Variants in ZMYND12 observed in about 807,000 individuals in gnomAD.
ZMYND12 encodes zinc finger MYND-type containing 12.
A neutral mutation model predicts 41.7 loss-of-function variants in ZMYND12; 32 were observed. The observed-to-expected ratio is 0.77, with a 90% CI of 0.58 to 1.03. The LOEUF (loss-of-function observed/expected upper bound fraction) is 1.03, where lower values mean the gene tolerates loss of function less well. Ranked by LOEUF, ZMYND12 falls within the 50% of genes least tolerant of loss-of-function variation. The pLI is 0.00. For missense variants in ZMYND12, 424 were observed against 438.5 expected (o/e 0.97, Z 0.30); for synonymous variants, 148 against 164.8 (o/e 0.90, Z 0.78).
chr1:42,439,002 T>C (rs1642936130), intron 4 of ZMYND12, among the ~76,000 whole-genome samples: 1 of 152,254 alleles, frequency 6.6e-6, no homozygotes, highest in African/African-American at 2.4e-5. Flanking sequence ...CAGAGTTTTA[T>C]CATCGATAAG....
chr1:42,448,462 C>T lies in ZMYND12; in HGVS notation c.424+5G>A, dbSNP rs370557729. On this transcript the variant is annotated splice_donor_5th_base_variant and intron_variant, in intron 3 of 7. Coordinates refer to ENST00000372565, the MANE Select transcript of ZMYND12 (RefSeq NM_032257.5). ...ATCCAAGGATCTCAAGTCGGTTTCACTCACCAAGGCTGGCCTCGGCCAACA... is the reference window on the plus strand; with the variant it reads ...ATCCAAGGATCTCAAGTCGGTTTCATTCACCAAGGCTGGCCTCGGCCAACA... 1.1e-5 allele frequency: 17 copies of T among 1,577,484 alleles called. No homozygotes were observed. The highest frequency in any genetic ancestry group is 1.2e-5 in the Non-Finnish European group (14 of 1,160,842).
At chr1:42,450,146 A>G in intron 1 of ZMYND12, 87 bp from the exon 2 acceptor site, 10 of 1,492,338 alleles carry the variant, frequency 6.7e-6, no homozygotes, top group Non-Finnish European at 9.1e-6. Flanking sequence ...ATCCCTAGAC[A>G]CCAGAAAAGT....
At position 42,455,786 on chromosome 1, in the gene ZMYND12, C is replaced by T. The variant is rs556394776; in HGVS notation, c.110+102G>A. 2.1e-5 allele frequency: 18 copies of T among 855,714 alleles called. No individual in the cohort carries two copies. In the South Asian group the frequency reaches 3.1e-4, roughly 15 times the overall value. 53.0% of individuals were successfully genotyped at this position (855,714 alleles called of 1,614,324 possible). On this transcript the variant is annotated intron_variant, in intron 1 of 7. Transcript: ENST00000372565. ...TAAAGCCGTTTTGAGGTGTCCCTTG[C>T]AGAGTCAGGGGCAACGGCTAACGCA...
intron 1 of ZMYND12, among the ~76,000 whole-genome samples, chr1:42,452,742 A>T (rs1359687857): frequency 6.6e-6 from 1 of 152,134 alleles, no homozygotes; most frequent in East Asian, 1.9e-4. Flanking sequence ...CTGTGTCTCT[A>T]AAGTAAATAA....
At chr1:42,451,356 G>C (rs1046719144) in intron 1 of ZMYND12, among the ~76,000 whole-genome samples, 1 of 152,162 alleles carries the variant, frequency 6.6e-6, no homozygotes, top group African/African-American at 2.4e-5. Flanking sequence ...GTTGTTAGAT[G>C]CATAGTCATG....
chr1:42,441,557 C>G (rs1023134533), intron 3 of ZMYND12, among the ~76,000 whole-genome samples: 1 of 152,052 alleles, frequency 6.6e-6, no homozygotes, highest in African/African-American at 2.4e-5. Context: ...TCATTTTTGT[C>G]TTTTTTGTTT....
rs371385572 is a variant in ZMYND12, at chr1:42,449,983, A to G, written c.187T>C (p.Ser63Pro). The G allele has an allele frequency of 5.6e-6, 9 of 1,613,932 alleles. No individual in the cohort carries two copies. Among genetic ancestry groups the G allele is most frequent in the Non-Finnish European group, 8.5e-7 (1 of 1,180,034 alleles). The stretch of plus-strand genomic sequence containing the variant: ...TCCTCTGAATTGTAGAAGGGCATGG[A>G]AGTGCGCAGTGGAATCAAGAGCTGA... Reference protein sequence around the residue: ...ICQLLIPLRTSMPFYNSEEER... With the variant: ...ICQLLIPLRTPMPFYNSEEER... Residue 63 changes from serine (S) to proline (P), a missense_variant, in exon 2 of 8, where the codon TCC becomes CCC. Transcript: ENST00000372565.
Position 42,433,293 on chromosome 1 carries a change from A to G in ZMYND12, c.830-5T>C, listed in dbSNP as rs1186636669. 1 of 1,599,042 alleles carries G rather than the reference A, an allele frequency of 6.3e-7. No individual in the cohort carries two copies. The highest frequency in any genetic ancestry group is 1.4e-5 in the African/African-American group (1 of 73,636). On this transcript the variant is annotated splice_polypyrimidine_tract_variant and splice_region_variant and intron_variant, in intron 6 of 7. Transcript: ENST00000372565. ...CTTCTGCTTCTTGGGCTTCATCTGCATTGGAAGGGGAAGAAAGAAAAAACA... is the reference window on the plus strand; with the variant it reads ...CTTCTGCTTCTTGGGCTTCATCTGCGTTGGAAGGGGAAGAAAGAAAAAACA...
chr1:42,451,355 T>A (rs1424057896), intron 1 of ZMYND12, among the ~76,000 whole-genome samples: 1 of 152,258 alleles, frequency 6.6e-6, no homozygotes, highest in African/African-American at 2.4e-5. Context: ...TGTTGTTAGA[T>A]GCATAGTCAT....
intron 7 of ZMYND12, among the ~76,000 whole-genome samples, chr1:42,431,531 C>T (rs1487598892): frequency 2.6e-5 from 4 of 152,048 alleles, no homozygotes; most frequent in Non-Finnish European, 4.4e-5. Flanking sequence ...GAGCAGGGAA[C>T]GCTTCACTGA....
intron 3 of ZMYND12, among the ~76,000 whole-genome samples, chr1:42,446,874 C>A (rs967611342): frequency 6.6e-6 from 1 of 152,090 alleles, no homozygotes; most frequent in African/African-American, 2.4e-5. Context: ...TTCCAGAAAG[C>A]AGTCAAGTGA....
At chr1:42,444,814 T>C (rs1015836547) in intron 3 of ZMYND12, among the ~76,000 whole-genome samples, 2 of 148,386 alleles carry the variant, frequency 1.3e-5, no homozygotes, top group Non-Finnish European at 3.0e-5. Flanking sequence ...TTTTTTTTTT[T>C]TTTTTTTTGA....
chr1:42,448,266 C>T (rs535738858), intron 3 of ZMYND12, among the ~76,000 whole-genome samples: 3 of 152,318 alleles, frequency 2.0e-5, no homozygotes, highest in African/African-American at 7.2e-5. Flanking sequence ...TTGTGCAGGC[C>T]AGCTTGAGTG....
At chr1:42,446,526 C>T (rs1276416180) in intron 3 of ZMYND12, among the ~76,000 whole-genome samples, 2 of 151,994 alleles carry the variant, frequency 1.3e-5, no homozygotes, top group African/African-American at 4.8e-5. Context: ...GTGGCACACA[C>T]CTGTTGTCCC....
At chr1:42,439,174 TG>T (rs1302697621) in intron 4 of ZMYND12, among the ~76,000 whole-genome samples, 1 of 152,200 alleles carries the variant, frequency 6.6e-6, no homozygotes, top group African/African-American at 2.4e-5. Context: ...TTATTATTCC[TG>T]TCTTGCAGGT....
intron 5 of ZMYND12, among the ~76,000 whole-genome samples, chr1:42,435,777 T>C (rs1642899435): frequency 6.6e-6 from 1 of 152,234 alleles, no homozygotes; most frequent in Non-Finnish European, 1.5e-5. Flanking sequence ...TAAGAGCTGT[T>C]AAGTGGCATA....
At chr1:42,455,547 T>C (rs977255667) in intron 1 of ZMYND12, among the ~76,000 whole-genome samples, 3 of 152,264 alleles carry the variant, frequency 2.0e-5, no homozygotes, top group Non-Finnish European at 4.4e-5. Flanking sequence ...GTGCTGGGAT[T>C]ACAGGCGTGA....
intron 1 of ZMYND12, among the ~76,000 whole-genome samples, chr1:42,453,997 A>C (rs1643114475): frequency 6.6e-6 from 1 of 152,240 alleles, no homozygotes; most frequent in African/African-American, 2.4e-5. Flanking sequence ...GAGAGAGAAA[A>C]GTATGACGGG....
At chr1:42,440,602 T>TA (rs1402045736) in intron 3 of ZMYND12, among the ~76,000 whole-genome samples, 1 of 152,238 alleles carries the variant, frequency 6.6e-6, no homozygotes, top group East Asian at 1.9e-4. Context: ...GTTGTGGAAA[T>TA]AGATCATGGT....
Sources: allele counts gnomAD v4.1 joint callset (sites outside exome capture counted in the v4.1 genomes callset), GRCh38; gene constraint gnomAD v4.1.1; transcripts MANE v1.5; gene names NCBI Gene and HGNC (gene_info 2026-07-23, HGNC 2026-07-21).